The following TCF3 variants were observed in gnomAD, a reference collection of about 807,000 sequenced individuals.
TCF3 encodes the protein transcription factor 3.
Under a neutral mutation model 72.3 loss-of-function variants are expected in TCF3, and 54 were observed. The observed-to-expected ratio is 0.75, with a 90% confidence interval of 0.60 to 0.94. The LOEUF (loss-of-function observed/expected upper bound fraction) is 0.94, where lower values mean the gene tolerates loss of function less well. Among genes scored for constraint, TCF3 ranks in the 40% least tolerant of loss-of-function variants. TCF3 has a pLI of 0.00. For synonymous variants in TCF3, 525 were observed against 412.6 expected (o/e 1.27, Z -3.30); for missense variants, 1,078 against 934.4 (o/e 1.15, Z -2.00).
chr19:1,634,214 TC>T (rs536565511), intron 3 of TCF3, among the ~76,000 whole-genome samples: 3 of 151,956 alleles, frequency 2.0e-5, no homozygotes, highest in African/African-American at 7.3e-5. Flanking sequence ...GTTATTAAAA[TC>T]CCCCCCACCG....
intron 9 of TCF3, 36 bp downstream of exon 9, chr19:1,622,277 C>G (rs1482249080): frequency 1.3e-6 from 2 of 1,504,938 alleles, no homozygotes; most frequent in Non-Finnish European, 1.8e-6. Context: ...CAGCCCTGCC[C>G]TACCGTCCCT....
At position 1,638,070 on chromosome 19, in the gene TCF3, T is replaced by C. The variant is rs1029898933; in HGVS notation, c.146-5665A>G. Among the ~76,000 whole-genome samples, 6 of 152,198 alleles carry C rather than the reference T, an allele frequency of 3.9e-5. No individual in the cohort carries two copies. The East Asian group carries it at 1.2e-3, about 29-fold the overall frequency. On this transcript the variant is annotated intron_variant, in intron 3 of 18. Transcript: ENST00000262965. ...AAGAAATGGCAGAGCCTGGGGGTTC[T>C]ATGGAATGAAGTAGACAGTGAGCAC...
At chr19:1,612,965 G>A (rs1285451131) in intron 18 of TCF3, among the ~76,000 whole-genome samples, 2 of 151,248 alleles carry the variant, frequency 1.3e-5, no homozygotes, top group Non-Finnish European at 2.9e-5. Flanking sequence ...GCTGGGCACA[G>A]CAATGTGGGT....
In TCF3 at chr19:1,619,812, A is replaced by G. The variant is rs1330802130; in HGVS notation, c.1135T>C (p.Ser379Pro). ...WPRAGAPGAL[S>P]PSYDGGLHGL... is the part of the protein sequence containing the mutation. ...TGGAGACCCCCGTCGTAGCTGGGCG[A>G]TAAGGCACCGGGGGCTCCTGCTCGA... Residue 379 changes from serine to proline, a missense_variant, in exon 14 of 19, where the codon TCG (serine) becomes CCG (proline). Ser to Pro is a moderately conservative substitution (Grantham distance 74, BLOSUM62 -1). Coordinates refer to ENST00000262965, the MANE Select transcript of TCF3 (RefSeq NM_003200.5). 1.3e-6 allele frequency: 2 copies of G among 1,572,806 alleles called. No individual in the cohort carries two copies. The highest frequency in any genetic ancestry group is 1.7e-6 in the Non-Finnish European group (2 of 1,160,088).
Position 1,622,391 on chromosome 19 carries a change from C to A in TCF3, c.574G>T (p.Asp192Tyr). 6.6e-7 allele frequency: 1 copy of A among 1,513,130 alleles called. No individual in the cohort carries two copies. Among genetic ancestry groups the A allele is most frequent in the Non-Finnish European group, 8.8e-7 (1 of 1,132,366 alleles). 93.7% of individuals were successfully genotyped at this position (1,513,130 alleles called of 1,614,324 possible). A position where few individuals can be genotyped will look rare whatever the true frequency, so the allele number is the denominator to read the frequency against. The change falls in exon 9 of 19, where the codon GAC becomes TAC. Residue 192 changes from aspartate to tyrosine, a missense_variant. Coordinates refer to ENST00000262965, the MANE Select transcript of TCF3 (RefSeq NM_003200.5). ...SSVYPPSSGE[D>Y]YGRDATAYPS... ...TAGGCGGTGGCATCCCTGCCGTAGT[C>A]CTCACCTGAGCTGGGTGGGTACACC... is the stretch of plus-strand genomic sequence containing the variant.
At chr19:1,627,139 T>C (rs929707252) in intron 6 of TCF3, among the ~76,000 whole-genome samples, 10 of 152,070 alleles carry the variant, frequency 6.6e-5, no homozygotes, top group Admixed American at 6.5e-4. Context: ...CAGCTAAGCA[T>C]GGCAGCCCTG....
chr19:1,634,639 C>T (rs753803737), intron 3 of TCF3, among the ~76,000 whole-genome samples: 9 of 152,234 alleles, frequency 5.9e-5, no homozygotes, highest in Non-Finnish European at 1.2e-4. Flanking sequence ...CTGTTGGGTC[C>T]CCTCCTGAGA....
intron 11 of TCF3, 136 bp downstream of exon 11, chr19:1,621,702 A>G: frequency 8.4e-7 from 1 of 1,196,166 alleles, no homozygotes; most frequent in Admixed American, 2.9e-5. Context: ...GCGGACAATG[A>G]GAACTGACAA....
In TCF3 at chr19:1,633,509, G is replaced by A. The variant is rs537110135; in HGVS notation, c.146-1104C>T. On this transcript the variant is annotated intron_variant, in intron 3 of 18. Coordinates refer to ENST00000262965, the MANE Select transcript of TCF3 (RefSeq NM_003200.5). ...CCACACCAGAAACTTCTTTCAAATCGCATCCTTCTATTTCGGTGCCTTTGT... is the reference window on the plus strand; with the variant it reads ...CCACACCAGAAACTTCTTTCAAATCACATCCTTCTATTTCGGTGCCTTTGT... 3.9e-5 allele frequency among the ~76,000 whole-genome samples: 6 copies of A among 152,032 alleles called. No individual in the cohort carries two copies. In the East Asian group the frequency reaches 9.7e-4, roughly 24 times the overall value.
Position 1,611,591 on chromosome 19 carries a change from G to T in TCF3, c.*116C>A. The T allele has an allele frequency of 2.1e-6, 3 of 1,398,730 alleles. No homozygotes were observed. The highest frequency in any genetic ancestry group is 2.9e-6 in the Non-Finnish European group (3 of 1,044,272). 86.6% of individuals were successfully genotyped at this position (1,398,730 alleles called of 1,614,324 possible). ...CTTGTCAGGTTGGTGTTGGCTCGAT[G>T]CTGACAACAGGTGTGTGAGGTGTGG... On this transcript the variant is annotated 3_prime_UTR_variant, in exon 19 of 19. Coordinates refer to ENST00000262965, the MANE Select transcript of TCF3 (RefSeq NM_003200.5).
chr19:1,640,540 T>C (rs1835269588), intron 3 of TCF3, among the ~76,000 whole-genome samples: 1 of 150,394 alleles, frequency 6.6e-6, no homozygotes, highest in African/African-American at 2.5e-5. Flanking sequence ...GAAACACTGA[T>C]GTAAGCAGTG....
chr19:1,646,694 G>A (rs1241786652), intron 2 of TCF3, among the ~76,000 whole-genome samples: 1 of 152,216 alleles, frequency 6.6e-6, no homozygotes, highest in Admixed American at 6.5e-5. Flanking sequence ...GCCAGGCAGA[G>A]TCCCTGCCGC....
In TCF3 at chr19:1,622,505, T is replaced by G. The variant is rs1027143705; in HGVS notation, c.550-90A>C. On this transcript the variant is annotated intron_variant, in intron 8 of 18. Transcript: ENST00000262965. ...TTGCCGGCCTCCTGTCCCCTCCTGG[T>G]AGCACATCTACCACCCCGTTTCCCT... The G allele has an allele frequency of 4.5e-6, 3 of 662,998 alleles. No homozygotes were observed. The African/African-American group carries it at 5.6e-5, about 12-fold the overall frequency. 41.1% of individuals were successfully genotyped at this position (662,998 alleles called of 1,614,324 possible).
In TCF3 at chr19:1,631,820, C is replaced by T. The variant is rs990146658; in HGVS notation, c.298+218G>A. The T allele has an allele frequency of 6.6e-5, 83 of 1,258,644 alleles. No homozygotes were observed. In the East Asian group the frequency reaches 1.3e-3, roughly 20 times the overall value. The allele number at this position is 1,258,644 out of a possible 1,614,324, so 78.0% of individuals were successfully genotyped here. A position where few individuals can be genotyped will look rare whatever the true frequency, so the allele number is the denominator to read the frequency against. ...CGGCCTCCCTGCCTCTACGCTCAGG[C>T]GGGGAAGCCTAGTTGCAGAGTGCCG... On this transcript the variant is annotated intron_variant, in intron 5 of 18. Coordinates refer to ENST00000262965, the MANE Select transcript of TCF3 (RefSeq NM_003200.5).
In TCF3 at chr19:1,614,093, G is replaced by A. The variant is rs537371855; in HGVS notation, c.1822+1192C>T. 1.3e-5 allele frequency among the ~76,000 whole-genome samples: 2 copies of A among 152,242 alleles called. No individual in the cohort carries two copies. The highest frequency in any genetic ancestry group is 2.9e-5 in the Non-Finnish European group (2 of 68,044). On this transcript the variant is annotated intron_variant, in intron 18 of 18. Transcript: ENST00000262965. The surrounding 1 kb of genome is among the most constrained non-coding windows in gnomAD (Gnocchi z 5.6). ...TAGAATGGATGCCGGTCCCCATCAG[G>A]GCACCCACTGCTCTAGGTTGTGGTG...
intron 2 of TCF3, among the ~76,000 whole-genome samples, chr19:1,648,692 T>C (rs2066512175): frequency 2.0e-5 from 3 of 152,212 alleles, no homozygotes; most frequent in Admixed American, 1.3e-4. Flanking sequence ...CCGGTGTTGT[T>C]TCAGTTTGGG....
chr19:1,652,005 C>T (rs1368435467), intron 1 of TCF3, among the ~76,000 whole-genome samples: 1 of 150,240 alleles, frequency 6.7e-6, no homozygotes, highest in African/African-American at 2.4e-5. Context: ...GTTGCACAGC[C>T]CGTCCGGCGC....
intron 3 of TCF3, among the ~76,000 whole-genome samples, chr19:1,635,885 G>A (rs1173624264): frequency 6.6e-6 from 1 of 152,220 alleles, no homozygotes; most frequent in African/African-American, 2.4e-5. Context: ...CCTCACGCAG[G>A]TTCCGTTTAC....
intron 5 of TCF3, among the ~76,000 whole-genome samples, chr19:1,630,254 G>C (rs1425276931): frequency 6.6e-6 from 1 of 152,172 alleles, no homozygotes; most frequent in Non-Finnish European, 1.5e-5. Flanking sequence ...ACCCCCGGCA[G>C]GGGGGCGGGG....
Sources: gnomAD v4.1 joint callset for allele counts (sites outside exome capture counted in the v4.1 genomes callset) on GRCh38, gnomAD v4.1.1 for gene constraint, Gnocchi (gnomAD v3.1) non-coding constraint, MANE v1.5 for transcripts, NCBI Gene and HGNC (gene_info 2026-07-23, HGNC 2026-07-21) for gene names.